The following USP50 variants were observed in gnomAD, a reference collection of about 807,000 sequenced individuals.
USP50 encodes ubiquitin carboxyl-terminal hydrolase 50.
A neutral mutation model predicts 39.2 loss-of-function variants in USP50; 37 were observed. That is an observed-to-expected ratio of 0.94 (90% confidence interval 0.73 to 1.24). USP50 has a LOEUF of 1.24. USP50 is among the 50% of genes most tolerant of loss of function. The pLI, the probability that USP50 is intolerant of heterozygous loss-of-function variation, is 0.00. For synonymous variants in USP50, 139 were observed against 144.5 expected (o/e 0.96, Z 0.27); for missense variants, 374 against 398.2 (o/e 0.94, Z 0.52).
At chr15:50,530,734 G>T (rs3098201) in intron 5 of USP50, among the ~76,000 whole-genome samples, 31,780 of 152,100 alleles carry the variant, frequency 0.21, 3,719 homozygotes, top group East Asian at 0.47. Context: ...AGATAGCAAA[G>T]ATTCAAGCTA....
chr15:50,498,719 T>C (rs1469599919), downstream of USP50: 1 of 1,607,394 alleles, frequency 6.2e-7, no homozygotes, highest in Non-Finnish European at 8.5e-7. Context: ...ATAATTTGTT[T>C]TCTGTTTCAG....
At chr15:50,546,452 C>T (rs1008616157) in intron 1 of USP50, 21 bp downstream of exon 1, 4 of 1,612,892 alleles carry the variant, frequency 2.5e-6, no homozygotes, top group Non-Finnish European at 3.4e-6. Flanking sequence ...ATCTAGAAAG[C>T]TGTAGTAGAT....
Position 50,494,141 on chromosome 15 carries a change from G to A in USP50, n.185-11C>T. ...ATAATCATGAAAGCCCTGTGGACAG[G>A]ACAGTATAGATATATCAGTCCAAAG... On this transcript the variant is annotated splice_polypyrimidine_tract_variant and intron_variant and non_coding_transcript_variant, in intron 1 of 1. Coordinates refer to the USP50 transcript ENST00000560159. 1 of 1,612,812 alleles carries A rather than the reference G, an allele frequency of 6.2e-7. No homozygotes were observed. The highest frequency in any genetic ancestry group is 1.1e-5 in the South Asian group (1 of 90,882).
At chr15:50,495,233 TATATATATATAC>T (rs2052333086) in intron 1 of USP50, among the ~76,000 whole-genome samples, 1 of 82,390 alleles carries the variant, frequency 1.2e-5, no homozygotes, top group South Asian at 3.9e-4. Flanking sequence ...AATATTTGTG[TATATATATATAC>T]GTGTATATAT....
At chr15:50,499,204 G>A, downstream of USP50, 1 of 1,019,810 alleles carries the variant, frequency 9.8e-7, no homozygotes, top group Non-Finnish European at 1.4e-6. Context: ...CTAGGACAGT[G>A]GGAGCTGTGT....
intron 6 of USP50, among the ~76,000 whole-genome samples, chr15:50,525,137 G>A (rs1013550402): frequency 6.6e-6 from 1 of 152,144 alleles, no homozygotes; most frequent in Non-Finnish European, 1.5e-5. Context: ...GGGTGGAACT[G>A]GAGGACATTA....
At chr15:50,522,476 G>A (rs1467916225) in intron 6 of USP50, among the ~76,000 whole-genome samples, 1 of 152,108 alleles carries the variant, frequency 6.6e-6, no homozygotes, top group Non-Finnish European at 1.5e-5. Context: ...AGAAGATCTA[G>A]TACCAATCCT....
downstream of USP50, chr15:50,493,061 T>C (rs2052237727): frequency 9.2e-6 from 8 of 867,232 alleles, no homozygotes; most frequent in Non-Finnish European, 1.5e-5. Flanking sequence ...TTCTCTTAGT[T>C]CTTGACTGGG....
chr15:50,515,817 CAT>C (rs1294460044), intron 6 of USP50, among the ~76,000 whole-genome samples: 4 of 152,034 alleles, frequency 2.6e-5, no homozygotes, highest in East Asian at 1.9e-4. Context: ...AAAAATTTCA[CAT>C]GTTAAGTGTG....
At chr15:50,494,849 T>C (rs1238795993) in intron 1 of USP50, among the ~76,000 whole-genome samples, 1 of 152,094 alleles carries the variant, frequency 6.6e-6, no homozygotes, top group East Asian at 1.9e-4. Flanking sequence ...ACCTCGTCTC[T>C]ACTAAAAATA....
chr15:50,538,646 G>A, intron 5 of USP50, 63 bp downstream of exon 5: 2 of 1,455,114 alleles, frequency 1.4e-6, no homozygotes, highest in Non-Finnish European at 1.8e-6. Context: ...TTATTGGCAT[G>A]TGAATTTTAT....
At chr15:50,528,130 C>T (rs924923081) in intron 6 of USP50, among the ~76,000 whole-genome samples, 1 of 145,598 alleles carries the variant, frequency 6.9e-6, no homozygotes, top group Non-Finnish European at 1.5e-5. Context: ...CTAGCTTGAA[C>T]TCCGGGACTC....
chr15:50,513,987 A>G (rs954739917), intron 6 of USP50: 1 of 152,250 alleles, frequency 6.6e-6, no homozygotes, highest in African/African-American at 2.4e-5. Flanking sequence ...CCCTCTTTGC[A>G]TTAGTCAAAA....
At chr15:50,496,878 C>T (rs2052434058), downstream of USP50, 3 of 483,970 alleles carry the variant, frequency 6.2e-6, no homozygotes, top group Non-Finnish European at 1.0e-5. Context: ...TGTCACAACA[C>T]ACTGTAGGTA....
chr15:50,518,424 C>T (rs3098186), intron 6 of USP50, among the ~76,000 whole-genome samples: 74,568 of 150,942 alleles, frequency 0.49, 18,766 homozygotes, highest in East Asian at 0.57. Context: ...GGGGTTTCAC[C>T]GCAGTCTCGA....
chr15:50,519,307 A>AT (rs2052828996), intron 6 of USP50, among the ~76,000 whole-genome samples: 1 of 151,488 alleles, frequency 6.6e-6, no homozygotes, highest in Admixed American at 6.6e-5. Context: ...GTACAATACA[A>AT]TAAAAAAAAA....
intron 6 of USP50, chr15:50,509,132 CAAAAAAAAAAAAAAAAA>C (rs57125859): frequency 2.9e-4 from 12 of 41,368 alleles, no homozygotes; most frequent in African/African-American, 1.0e-3. Flanking sequence ...GACTCCGTCA[CAAAAAAAAAAAAAAAAA>C]AAAAAAAAAA....
intron 1 of USP50, among the ~76,000 whole-genome samples, chr15:50,495,083 G>A (rs1053406789): frequency 1.3e-5 from 2 of 150,662 alleles, no homozygotes; most frequent in African/African-American, 4.9e-5. Context: ...TATTATAAAG[G>A]CATGTATGTA....
At chr15:50,499,597 C>CTATT (rs1445907769), downstream of USP50, 2 of 115,918 alleles carry the variant, frequency 1.7e-5, no homozygotes, top group African/African-American at 7.0e-5. Context: ...TTCTTTCAGC[C>CTATT]TATTTTGAGT....
Sources: allele counts gnomAD v4.1 joint callset (sites outside exome capture counted in the v4.1 genomes callset), GRCh38; gene constraint gnomAD v4.1.1; transcripts MANE v1.5; gene names NCBI Gene and HGNC (gene_info 2026-07-23, HGNC 2026-07-21).